The following CLSTN2 variants were observed in gnomAD, a reference collection of about 807,000 sequenced individuals.
CLSTN2 encodes calsyntenin 2.
In CLSTN2, 48 loss-of-function variants were observed where a neutral mutation model predicts 101.2. The ratio of observed to expected loss-of-function variants is 0.47; its 90% CI spans 0.38 to 0.60. CLSTN2 has a LOEUF of 0.60. Ranked by LOEUF, CLSTN2 falls within the 20% of genes least tolerant of loss-of-function variation. The probability of loss-of-function intolerance (pLI) is 0.00; values close to 1 mark genes in which losing one functional copy is unlikely to be tolerated. For synonymous variants in CLSTN2, 481 were observed against 463.6 expected (o/e 1.04, Z -0.48); for missense variants, 1,160 against 1,238.2 (o/e 0.94, Z 0.95).
intron 1 of CLSTN2, among the ~76,000 whole-genome samples, chr3:140,041,313 T>C (rs947566540): frequency 6.6e-6 from 1 of 152,076 alleles, no homozygotes; most frequent in African/African-American, 2.4e-5. Context: ...CCAGTGACCA[T>C]TTGGTGCATG....
In CLSTN2 at chr3:140,135,111, C is replaced by T. The variant is rs1355491156; in HGVS notation, c.110-40840C>T. On this transcript the variant is annotated intron_variant, in intron 1 of 16. Transcript: ENST00000458420. ...AAACACACACACACACACACACACA[C>T]ACACACATATATATATATATATATA... Among the ~76,000 whole-genome samples, 411 of 51,764 alleles carry T rather than the reference C, an allele frequency of 7.9e-3. 2 individuals carry two copies. Among genetic ancestry groups the T allele is most frequent in the African/African-American group, 0.041 (323 of 7,840 alleles). 34.0% of individuals were successfully genotyped at this position (51,764 alleles called of 152,430 possible).
intron 1 of CLSTN2, among the ~76,000 whole-genome samples, chr3:140,150,986 C>T (rs1452398523): frequency 1.3e-5 from 2 of 151,926 alleles, no homozygotes; most frequent in African/African-American, 4.8e-5. Context: ...CTTAGAAGGG[C>T]TCCTTATGGT....
At chr3:140,318,500 C>A (rs144125581) in intron 2 of CLSTN2, among the ~76,000 whole-genome samples, 1 of 152,126 alleles carries the variant, frequency 6.6e-6, no homozygotes, top group Admixed American at 6.5e-5. Flanking sequence ...GAGCCCCTCT[C>A]GTATGTCTAT....
Position 140,532,503 on chromosome 3 carries a change from C to A in CLSTN2, c.1507+17C>A. The A allele has an allele frequency of 6.2e-7, 1 of 1,604,518 alleles. No individual in the cohort carries two copies. Among genetic ancestry groups the A allele is most frequent in the Non-Finnish European group, 8.5e-7 (1 of 1,174,112 alleles). On this transcript the variant is annotated intron_variant, in intron 9 of 16. Transcript: ENST00000458420. Reference sequence around the variant, plus strand: ...GTTGGCAAGGTAATCCTAAGTGAAACCCTTTTCTCTGACCTGTTTGTGAAT... The same window carrying A: ...GTTGGCAAGGTAATCCTAAGTGAAAACCTTTTCTCTGACCTGTTTGTGAAT...
chr3:140,291,394 TC>T (rs376446915), intron 2 of CLSTN2, among the ~76,000 whole-genome samples: 5 of 149,242 alleles, frequency 3.4e-5, no homozygotes, highest in South Asian at 2.2e-4. Flanking sequence ...GTGCTTCCCC[TC>T]CCCCCCCAAC....
chr3:140,514,371 T>C (rs1352663859), intron 8 of CLSTN2, among the ~76,000 whole-genome samples: 1 of 152,164 alleles, frequency 6.6e-6, no homozygotes, highest in Non-Finnish European at 1.5e-5. Context: ...TGATGTTTGA[T>C]TTTCCATTCC....
chr3:140,200,712 G>A (rs567834461), intron 2 of CLSTN2, among the ~76,000 whole-genome samples: 1 of 152,240 alleles, frequency 6.6e-6, no homozygotes, highest in African/African-American at 2.4e-5. Flanking sequence ...ATTTGAAAGA[G>A]CATGAAAGAC....
rs184287562 is a variant in CLSTN2 at position 140,346,734 on chromosome 3, T to C, written c.233-56895T>C. Among the ~76,000 whole-genome samples the C allele has an allele frequency of 5.8e-4, 88 of 152,278 alleles. No individual in the cohort carries two copies. In the East Asian group the frequency reaches 0.016, roughly 27 times the overall value. On this transcript the variant is annotated intron_variant, in intron 2 of 16. Transcript: ENST00000458420. ...TGACTCTTGGCCAGTGACTCATGCA[T>C]CTCATGGTGCGCCCCTGCAAAAATG...
In CLSTN2 at chr3:140,212,812, G is replaced by A. The variant is rs766908519; in HGVS notation, c.232+36739G>A. ...TAATCCCCCACCATAAGACCCACCA[G>A]GCCTCAGCCCTCAGGCTCTGGACAC... On this transcript the variant is annotated intron_variant, in intron 2 of 16. Coordinates refer to ENST00000458420, the MANE Select transcript of CLSTN2 (RefSeq NM_022131.3). Among the ~76,000 whole-genome samples the A allele has an allele frequency of 6.7e-4, 102 of 152,092 alleles. 1 individual carries two copies. The highest frequency in any genetic ancestry group is 1.3e-3 in the Non-Finnish European group (88 of 68,004).
At chr3:140,234,763 C>T (rs187373230) in intron 2 of CLSTN2, among the ~76,000 whole-genome samples, 1 of 152,296 alleles carries the variant, frequency 6.6e-6, no homozygotes. Context: ...GTCACTCAGC[C>T]TTCTGTCCCC....
intron 1 of CLSTN2, among the ~76,000 whole-genome samples, chr3:140,163,117 G>C (rs1051633286): frequency 6.6e-6 from 1 of 152,118 alleles, no homozygotes; most frequent in South Asian, 2.1e-4. Flanking sequence ...GTAGTACCCA[G>C]TTATTTAATC....
At chr3:140,020,686 C>T (rs1317946848) in intron 1 of CLSTN2, among the ~76,000 whole-genome samples, 1 of 152,186 alleles carries the variant, frequency 6.6e-6, no homozygotes, top group African/African-American at 2.4e-5. Context: ...CTTCTCCTCC[C>T]GCTAGGCTGA....
At chr3:140,379,729 A>T (rs1484696051) in intron 2 of CLSTN2, among the ~76,000 whole-genome samples, 1 of 152,178 alleles carries the variant, frequency 6.6e-6, no homozygotes, top group Non-Finnish European at 1.5e-5. Context: ...TATCCGTAGG[A>T]TGGAATATTA....
intron 5 of CLSTN2, among the ~76,000 whole-genome samples, chr3:140,437,837 T>A (rs72983192): frequency 0.037 from 5,566 of 152,308 alleles, 346 homozygotes; most frequent in African/African-American, 0.13. Flanking sequence ...TCAGTAAAAA[T>A]TTCCCATAGT....
chr3:140,380,761 C>T (rs1422496475), intron 2 of CLSTN2, among the ~76,000 whole-genome samples: 4 of 152,286 alleles, frequency 2.6e-5, no homozygotes, highest in African/African-American at 4.8e-5. Context: ...TCACAGAGAC[C>T]GTGATACAGG....
rs1402597742 is a variant in CLSTN2 at position 140,247,171 on chromosome 3, G to T, written c.232+71098G>T. ...GACATAGACGTTGGGGTCTTGACTT[G>T]GTTATCAGTTCTATCTGTACCATAG... On this transcript the variant is annotated intron_variant, in intron 2 of 16. Transcript: ENST00000458420. 2.0e-5 allele frequency among the ~76,000 whole-genome samples: 3 copies of T among 152,106 alleles called. No homozygotes were observed. The East Asian group carries it at 5.8e-4, about 29-fold the overall frequency.
intron 2 of CLSTN2, among the ~76,000 whole-genome samples, chr3:140,325,186 C>T (rs187247704): frequency 2.0e-5 from 3 of 152,334 alleles, no homozygotes; most frequent in Middle Eastern, 3.4e-3. Context: ...GCATGAGCCA[C>T]TGCACCTGGA....
chr3:140,404,880 G>A, intron 4 of CLSTN2, 114 bp downstream of exon 4: 1 of 890,276 alleles, frequency 1.1e-6, no homozygotes, highest in South Asian at 1.5e-5. Context: ...TTCTTGCCAT[G>A]TTTGGTCTAA....
chr3:139,952,925 C>T (rs1935317866), intron 1 of CLSTN2, among the ~76,000 whole-genome samples: 1 of 152,074 alleles, frequency 6.6e-6, no homozygotes, highest in African/African-American at 2.4e-5. Context: ...CTCCCTTCAC[C>T]AAGGGTGGTC....
Sources: gnomAD v4.1 joint callset for allele counts (sites outside exome capture counted in the v4.1 genomes callset) on GRCh38, gnomAD v4.1.1 for gene constraint, MANE v1.5 for transcripts, NCBI Gene and HGNC (gene_info 2026-07-23, HGNC 2026-07-21) for gene names.